CAPN15: variants seen among roughly 807,000 people sequenced by gnomAD.
CAPN15 encodes the protein calpain 15.
CAPN15 carries 53 observed loss-of-function variants against 97.9 expected under a neutral mutation model. The observed-to-expected ratio is 0.54, with a 90% CI of 0.43 to 0.68. CAPN15 has a LOEUF of 0.68. Among genes scored for constraint, CAPN15 ranks in the 30% least tolerant of loss-of-function variants. The probability of loss-of-function intolerance (pLI) is 0.00; values close to 1 mark genes in which losing one functional copy is unlikely to be tolerated. For synonymous variants in CAPN15, 922 were observed against 722.5 expected (o/e 1.28, Z -4.43); for missense variants, 1,592 against 1,589.8 (o/e 1.00, Z -0.02).
chr16:537,489 G>A lies in CAPN15; in HGVS notation c.-23+1347G>A, dbSNP rs1829495491. 4 of 970,492 alleles carry A rather than the reference G, an allele frequency of 4.1e-6. No individual in the cohort carries two copies. In the South Asian group the frequency reaches 1.9e-4, roughly 46 times the overall value. The allele number at this position is 970,492 out of a possible 1,614,324, so 60.1% of individuals were successfully genotyped here. A position where few individuals can be genotyped will look rare whatever the true frequency, so the allele number is the denominator to read the frequency against. ...GGAGCTGAGGTTGGCCCTGGCAGGT[G>A]TGCAGTCCTCACACAGAACGGGCAG... On this transcript the variant is annotated intron_variant, in intron 3 of 13. Transcript: ENST00000219611.
rs1482636889 is a variant in CAPN15 at position 554,369 on chromosome 16, T to C, written c.*853T>C. 2 of 390,516 alleles carry C rather than the reference T, an allele frequency of 5.1e-6. No homozygotes were observed. Among genetic ancestry groups the C allele is most frequent in the Non-Finnish European group, 1.0e-5 (2 of 196,496 alleles). 24.2% of individuals were successfully genotyped at this position (390,516 alleles called of 1,614,324 possible). On this transcript the variant is annotated 3_prime_UTR_variant, in exon 14 of 14. Coordinates refer to ENST00000219611, the MANE Select transcript of CAPN15 (RefSeq NM_005632.3). ...TCTGCGTGCCCTCCTGGCCCCTCACTCCCGGCAGCGGGCCGGCCTCGCCCC... is the reference window on the plus strand; with the variant it reads ...TCTGCGTGCCCTCCTGGCCCCTCACCCCCGGCAGCGGGCCGGCCTCGCCCC...
rs144401116 is a variant in CAPN15 at position 551,651 on chromosome 16, G to C, written c.2332G>C (p.Gly778Arg). 6.3e-7 allele frequency: 1 copy of C among 1,593,630 alleles called. No individual in the cohort carries two copies. Among genetic ancestry groups the C allele is most frequent in the Non-Finnish European group, 8.5e-7 (1 of 1,172,786 alleles). ...SSEGVFWMEY[G>R]DFVRYFDSVD... Reference sequence around the variant, plus strand: ...TGAGGGTGTCTTCTGGATGGAGTACGGCGACTTTGTCAGGTATCGGCACCG... The same window carrying C: ...TGAGGGTGTCTTCTGGATGGAGTACCGCGACTTTGTCAGGTATCGGCACCG... Residue 778 changes from glycine to arginine, a missense_variant, in exon 9 of 14, where the codon GGC (glycine) becomes CGC (arginine). Coordinates refer to ENST00000219611, the MANE Select transcript of CAPN15 (RefSeq NM_005632.3).
chr16:528,874 AGGGGTGC>A, intron 1 of CAPN15: 1 of 590,024 alleles, frequency 1.7e-6, no homozygotes, highest in Non-Finnish European at 2.1e-6. Context: ...CCCAGGTCTG[AGGGGTGC>A]GGAAACGTGA....
Position 547,297 on chromosome 16 carries a change from G to A in CAPN15, c.459G>A (p.Thr153=), listed in dbSNP as rs766264517. Residue 153 remains threonine, a synonymous_variant, in exon 4 of 14, where the codon ACG becomes ACA. Transcript: ENST00000219611. ...PRGGWACPRC[T]LHNTPVASSC... Reference sequence around the variant, plus strand: ...GGGGCTGGGCGTGTCCGCGTTGCACGCTGCACAACACGCCCGTGGCCAGCT... The same window carrying A: ...GGGGCTGGGCGTGTCCGCGTTGCACACTGCACAACACGCCCGTGGCCAGCT... 54 of 1,518,306 alleles carry A rather than the reference G, an allele frequency of 3.6e-5. No individual in the cohort carries two copies. The East Asian group carries it at 8.8e-4, about 25-fold the overall frequency. The allele number at this position is 1,518,306 out of a possible 1,614,324, so 94.1% of individuals were successfully genotyped here.
Position 553,047 on chromosome 16 carries a change from C to CCCTCCCCTA in CAPN15, c.3083+8_3083+9insTCCCCTACC. The CCCTCCCCTA allele has an allele frequency of 3.0e-6, 4 of 1,329,660 alleles. No individual in the cohort carries two copies. Among genetic ancestry groups the CCCTCCCCTA allele is most frequent in the Non-Finnish European group, 4.1e-6 (4 of 982,340 alleles). The allele number at this position is 1,329,660 out of a possible 1,614,324, so 82.4% of individuals were successfully genotyped here. ...AGCGTGCCACCCCTGCACAGGTGCG[C>CCCTCCCCTA]CCCCGCCCCTGCCCCCCCACCCCTG... On this transcript the variant is annotated splice_region_variant and intron_variant, in intron 13 of 13. Transcript: ENST00000219611.
intron 3 of CAPN15, chr16:538,829 C>T (rs1486954183): frequency 6.6e-6 from 1 of 152,206 alleles, no homozygotes; most frequent in African/African-American, 2.4e-5. Flanking sequence ...TCCCTGCCCT[C>T]TGCTGCTCCC....
chr16:545,131 C>T (rs929869959), intron 3 of CAPN15, among the ~76,000 whole-genome samples: 48 of 152,094 alleles, frequency 3.2e-4, no homozygotes, highest in Middle Eastern at 3.4e-3. Flanking sequence ...TGCAGTGAGC[C>T]GTGCGCGAGC....
chr16:545,208 C>T (rs2034502569), intron 3 of CAPN15, among the ~76,000 whole-genome samples: 2 of 151,550 alleles, frequency 1.3e-5, no homozygotes, highest in Non-Finnish European at 1.5e-5. Context: ...GTAAGGGTTT[C>T]GGGTCTCTGA....
In CAPN15 at chr16:554,147, G is replaced by A. The variant is rs924081140; in HGVS notation, c.*631G>A. 5.7e-5 allele frequency: 12 copies of A among 211,632 alleles called. No individual in the cohort carries two copies. The East Asian group carries it at 6.2e-4, about 11-fold the overall frequency. The allele number at this position is 211,632 out of a possible 1,614,324, so 13.1% of individuals were successfully genotyped here. On this transcript the variant is annotated 3_prime_UTR_variant, in exon 14 of 14. Coordinates refer to ENST00000219611, the MANE Select transcript of CAPN15 (RefSeq NM_005632.3). ...CTGGGTGCAGGCGGGCGCCAGGCCC[G>A]CTGTGGGTGGGCACCAGTTCTCAGC...
intron 3 of CAPN15, among the ~76,000 whole-genome samples, chr16:543,988 CCA>C (rs2034346417): frequency 6.6e-6 from 1 of 152,216 alleles, no homozygotes; most frequent in African/African-American, 2.4e-5. Flanking sequence ...GGCCATGCGG[CCA>C]TGCGGCCGGC....
At position 552,195 on chromosome 16, in the gene CAPN15, C is replaced by T. The variant is rs758435961; in HGVS notation, c.2490C>T (p.Leu830=). 2.0e-6 allele frequency: 3 copies of T among 1,535,234 alleles called. No individual in the cohort carries two copies. Among genetic ancestry groups the T allele is most frequent in the African/African-American group, 1.4e-5 (1 of 72,834 alleles). The change falls in exon 10 of 14, where the codon CTC becomes CTT. Residue 830 remains leucine (L), a synonymous_variant. Coordinates refer to ENST00000219611, the MANE Select transcript of CAPN15 (RefSeq NM_005632.3). This position sits in a 1 kb window ranked among gnomAD's most constrained non-coding sequence, Gnocchi z 6.4. The part of the protein sequence containing the change: ...VLERASLEFA[L]FQEGSRRSDA... ...AGCGGGCCTCGCTGGAGTTCGCGCT[C>T]TTCCAGGAGGGCAGCAGGTGGGTGC...
chr16:542,982 C>T (rs561999244), intron 3 of CAPN15, among the ~76,000 whole-genome samples: 80 of 150,144 alleles, frequency 5.3e-4, no homozygotes, highest in Admixed American at 3.3e-3. Context: ...ACTTGGGAGG[C>T]GGAGGTTGCA....
intron 9 of CAPN15, 149 bp from the exon 10 acceptor site, chr16:551,902 G>C: frequency 9.8e-7 from 1 of 1,018,744 alleles, no homozygotes; most frequent in Non-Finnish European, 1.5e-6. Context: ...TAGGCCTCAG[G>C]GATGGGCCCC....
intron 3 of CAPN15, chr16:538,233 G>C (rs1416162585): frequency 1.3e-5 from 2 of 152,254 alleles, no homozygotes; most frequent in African/African-American, 4.8e-5. Flanking sequence ...AGTGAGCCAG[G>C]CTGTGCCCTG....
chr16:542,342 T>C (rs11860003), intron 3 of CAPN15, among the ~76,000 whole-genome samples: 9,422 of 152,240 alleles, frequency 0.062, 566 homozygotes, highest in African/African-American at 0.16. Flanking sequence ...CATAATGTCT[T>C]GAGGAACTGC....
In CAPN15 at chr16:549,772, A is replaced by AC; in HGVS notation, c.2005dup (p.Arg669ProfsTer6). 1 of 1,592,960 alleles carries AC rather than the reference A, an allele frequency of 6.3e-7. No homozygotes were observed. The highest frequency in any genetic ancestry group is 8.5e-7 in the Non-Finnish European group (1 of 1,169,988). On this transcript the variant is annotated frameshift_variant, in exon 7 of 14. Coordinates refer to ENST00000219611, the MANE Select transcript of CAPN15 (RefSeq NM_005632.3). LOFTEE classifies it high-confidence loss of function. The stretch of plus-strand genomic sequence containing the variant: ...CTGGCGCTGCAGCTCAGCTCCACTA[A>AC]CCCCCGCGAGGAGCCCGTTGACACT...
At chr16:550,766 T>G (rs867331016) in intron 7 of CAPN15, among the ~76,000 whole-genome samples, 270 of 5,072 alleles carry the variant, frequency 0.053, 30 homozygotes, top group Non-Finnish European at 0.093. Flanking sequence ...GAGGGTCCCC[T>G]GCCGGTGAGG....
chr16:552,390 G>A lies in CAPN15; in HGVS notation c.2597G>A (p.Gly866Asp). Reference sequence around the variant, plus strand: ...GGCAGCGGCGGCCACCTCAGCCTGGGCCGCCTCCTGGCCCACAGTAAGCGC... The same window carrying A: ...GGCAGCGGCGGCCACCTCAGCCTGGACCGCCTCCTGGCCCACAGTAAGCGC... ...TFGSGGHLSL[G>D]RLLAHSKRAV... The change falls in exon 11 of 14, where the codon GGC becomes GAC. Residue 866 changes from glycine to aspartate, a missense_variant. Transcript: ENST00000219611. The surrounding 1 kb of genome is among the most constrained non-coding windows in gnomAD (Gnocchi z 6.4). The A allele has an allele frequency of 1.2e-6, 2 of 1,605,654 alleles. No individual in the cohort carries two copies.
At chr16:538,586 G>C (rs1035627298) in intron 3 of CAPN15, 2 of 152,244 alleles carry the variant, frequency 1.3e-5, no homozygotes, top group East Asian at 3.9e-4. Flanking sequence ...GGGGGACTCG[G>C]CGGCTTCTGC....
Sources: gnomAD v4.1 joint callset for allele counts (sites outside exome capture counted in the v4.1 genomes callset) on GRCh38, gnomAD v4.1.1 for gene constraint, Gnocchi (gnomAD v3.1) non-coding constraint, MANE v1.5 for transcripts, NCBI Gene and HGNC (gene_info 2026-07-23, HGNC 2026-07-21) for gene names.